The following PCARE variants were observed in gnomAD, a reference collection of about 807,000 sequenced individuals.
PCARE encodes uncharacterized protein C2orf71.
In PCARE, 72 loss-of-function variants were observed where a neutral mutation model predicts 82.2. The observed-to-expected ratio is 0.88, with a 90% CI of 0.72 to 1.07. The LOEUF is 1.07. PCARE is among the 50% of genes least tolerant of loss of function. The probability of loss-of-function intolerance (pLI) is 0.00; values close to 1 mark genes in which losing one functional copy is unlikely to be tolerated. For synonymous variants in PCARE, 705 were observed against 634.8 expected, an observed-to-expected ratio of 1.11 and a Z score of -1.66; for missense variants, 1,768 against 1,592.4, an observed-to-expected ratio of 1.11 and a Z score of -1.88.
At position 29,073,700 on chromosome 2, in the gene PCARE, A is replaced by T. The variant is rs746573235; in HGVS notation, c.562T>A (p.Tyr188Asn). The change falls in exon 1 of 2, where the codon TAC (tyrosine) becomes AAC (asparagine). Residue 188 changes from tyrosine to asparagine, a missense_variant. Physicochemically the swap from Tyr to Asn is moderately radical, Grantham distance 143. Coordinates refer to ENST00000331664, the MANE Select transcript of PCARE (RefSeq NM_001029883.3). ...GAGAGGCTGGAGTGTAGATAGGTGTAAGCCTGCTGGTGGGCCTTTACCAGA... is the reference window on the plus strand; with the variant it reads ...GAGAGGCTGGAGTGTAGATAGGTGTTAGCCTGCTGGTGGGCCTTTACCAGA... ...EPLVKAHQQA[Y>N]TYLHSSLSKY... 1.9e-6 allele frequency: 3 copies of T among 1,612,664 alleles called. No homozygotes were observed. The South Asian group carries it at 3.3e-5, about 18-fold the overall frequency.
chr2:29,064,880 C>T lies in PCARE; in HGVS notation c.3856G>A (p.Glu1286Lys). ...SQPEAQPQQE[E>K]VS ...CCCTCGTCAGCCTGTCAGGACACCT[C>T]CTCTTGCTGGGGCTGCGCCTCTGGC... is the stretch of plus-strand genomic sequence containing the variant. Residue 1286 changes from glutamate (E) to lysine (K), a missense_variant, in exon 2 of 2, where the codon GAG (glutamate) becomes AAG (lysine). Physicochemically the swap from Glu to Lys is moderately conservative, Grantham distance 56 (BLOSUM62 1). Coordinates refer to ENST00000331664, the MANE Select transcript of PCARE (RefSeq NM_001029883.3). 1.2e-6 allele frequency: 2 copies of T among 1,611,560 alleles called. No homozygotes were observed. The highest frequency in any genetic ancestry group is 2.2e-5 in the South Asian group (2 of 90,984).
At position 29,074,146 on chromosome 2, in the gene PCARE, C is replaced by T. The variant is rs778412851; in HGVS notation, c.116G>A (p.Gly39Asp). The T allele has an allele frequency of 6.2e-7, 1 of 1,612,704 alleles. No homozygotes were observed. Among genetic ancestry groups the T allele is most frequent in the East Asian group, 2.2e-5 (1 of 44,852 alleles). The stretch of plus-strand genomic sequence containing the variant: ...GTTTTTAACCAGCAAAGGGATGGAA[C>T]CTCTTTCACTTCCGCCCTGACATCC... Reference protein sequence around the residue: ...RPGCQGGSERGSIPLLVKNST... With the variant: ...RPGCQGGSERDSIPLLVKNST... The change falls in exon 1 of 2, where the codon GGT becomes GAT. Residue 39 changes from glycine to aspartate, a missense_variant. Gly to Asp is a moderately conservative substitution (Grantham distance 94, BLOSUM62 -1). Coordinates refer to ENST00000331664, the MANE Select transcript of PCARE (RefSeq NM_001029883.3).
chr2:29,072,554 C>T lies in PCARE; in HGVS notation c.1708G>A (p.Gly570Arg), dbSNP rs1238171256. The change falls in exon 1 of 2, where the codon GGG becomes AGG. Residue 570 changes from glycine (G) to arginine (R), a missense_variant. Physicochemically the swap from Gly to Arg is moderately radical, Grantham distance 125 (BLOSUM62 -2). Transcript: ENST00000331664. ...GHQDWSEEEE[G>R]RTVVPPRPST... ...GGTCTTGGGGGGACCACTGTCCTCC[C>T]CTCCTCCTCCTCAGACCAGTCCTGG... 9 of 1,603,200 alleles carry T rather than the reference C, an allele frequency of 5.6e-6. No homozygotes were observed. Among genetic ancestry groups the T allele is most frequent in the Non-Finnish European group, 7.7e-6 (9 of 1,175,906 alleles).
chr2:29,068,667 G>A (rs917026652), intron 1 of PCARE, among the ~76,000 whole-genome samples: 9 of 152,080 alleles, frequency 5.9e-5, no homozygotes, highest in African/African-American at 1.9e-4. Context: ...GCCCCATTGC[G>A]GCTGCATGCC....
In PCARE at chr2:29,071,323, G is replaced by C; in HGVS notation, c.2939C>G (p.Pro980Arg). ...GGGGCTTCTCTCTCGGCTCTGCCTT[G>C]GTCTGGCCAGGCTGGACTCTGAGGT... ...NRTSESSLAR[P>R]RQSRERSPPV... The change falls in exon 1 of 2, where the codon CCA becomes CGA. Residue 980 changes from proline to arginine, a missense_variant. Pro to Arg is a moderately radical substitution (Grantham distance 103). Coordinates refer to ENST00000331664, the MANE Select transcript of PCARE (RefSeq NM_001029883.3). The C allele has an allele frequency of 6.2e-7, 1 of 1,613,498 alleles. No homozygotes were observed. Among genetic ancestry groups the C allele is most frequent in the Non-Finnish European group, 8.5e-7 (1 of 1,179,908 alleles).
chr2:29,071,293 A>G lies in PCARE; in HGVS notation c.2969T>C (p.Val990Ala), dbSNP rs780187948. 2 of 1,613,426 alleles carry G rather than the reference A, an allele frequency of 1.2e-6. No individual in the cohort carries two copies. The highest frequency in any genetic ancestry group is 2.2e-5 in the South Asian group (2 of 91,076). Residue 990 changes from valine (V) to alanine (A), a missense_variant, in exon 1 of 2, where the codon GTG becomes GCG. Coordinates refer to ENST00000331664, the MANE Select transcript of PCARE (RefSeq NM_001029883.3). ...PRQSRERSPP[V>A]GRKASPTRTH... ...CCTCGTGGGAGAGGCCTTTCTGCCC[A>G]CAGGGGGGCTTCTCTCTCGGCTCTG...
In PCARE at chr2:29,072,944, G is replaced by T. The variant is rs1469162645; in HGVS notation, c.1318C>A (p.Pro440Thr). The change falls in exon 1 of 2, where the codon CCA (proline) becomes ACA (threonine). Residue 440 changes from proline to threonine, a missense_variant. Physicochemically the swap from Pro to Thr is conservative, Grantham distance 38. Coordinates refer to ENST00000331664, the MANE Select transcript of PCARE (RefSeq NM_001029883.3). ...ARSPCLSSTS[P>T]ENITSPPLKL... The stretch of plus-strand genomic sequence containing the variant: ...AAAGGTGGGGAGGTGATATTTTCTG[G>T]GCTTGTACTGGAGAGGCATGGGCTC... 6.2e-7 allele frequency: 1 copy of T among 1,614,130 alleles called. No homozygotes were observed. The highest frequency in any genetic ancestry group is 8.5e-7 in the Non-Finnish European group (1 of 1,180,028).
At position 29,064,806 on chromosome 2, in the gene PCARE, C is replaced by T; in HGVS notation, c.*63G>A. On this transcript the variant is annotated 3_prime_UTR_variant, in exon 2 of 2. Coordinates refer to ENST00000331664, the MANE Select transcript of PCARE (RefSeq NM_001029883.3). ...CCCATCATCTCTGGGTCAGGCTGGA[C>T]ACTTGGCTGTCACACTTGGCCTTCT... The T allele has an allele frequency of 6.3e-7, 1 of 1,597,978 alleles. No homozygotes were observed.
chr2:29,074,387 C>T lies in PCARE; in HGVS notation c.-126G>A, dbSNP rs1667551719. 9.9e-7 allele frequency: 1 copy of T among 1,007,332 alleles called. No homozygotes were observed. The highest frequency in any genetic ancestry group is 1.4e-6 in the Non-Finnish European group (1 of 703,070). The allele number at this position is 1,007,332 out of a possible 1,614,324, so 62.4% of individuals were successfully genotyped here. On this transcript the variant is annotated 5_prime_UTR_variant, in exon 1 of 2. The change abolishes an upstream ATG in the 5' untranslated region. Coordinates refer to ENST00000331664, the MANE Select transcript of PCARE (RefSeq NM_001029883.3). ...TTTCAGGCCAGAATTCTTTGAAGTC[C>T]ATGGTACAATATCCTAAACTTGGAA...
rs2148415202 is a variant in PCARE, at chr2:29,071,267, TC to T, written c.2994del (p.Thr999HisfsTer36). The T allele has an allele frequency of 6.2e-7, 1 of 1,613,526 alleles. No individual in the cohort carries two copies. The highest frequency in any genetic ancestry group is 8.5e-7 in the Non-Finnish European group (1 of 1,179,908). On this transcript the variant is annotated frameshift_variant, in exon 1 of 2. Transcript: ENST00000331664. LOFTEE classifies it high-confidence loss of function. ...PPVGRKASPT[R>X]THWVPQADKR... ...TTGTCTGCTTGAGGCACCCAGTGTGTCCTCGTGGGAGAGGCCTTTCTGCCCA... is the reference window on the plus strand; with the variant it reads ...TTGTCTGCTTGAGGCACCCAGTGTGTCTCGTGGGAGAGGCCTTTCTGCCCA...
chr2:29,070,719 C>G lies in PCARE; in HGVS notation c.3543G>C (p.Leu1181=). The G allele has an allele frequency of 1.2e-6, 2 of 1,614,150 alleles. No homozygotes were observed. Among genetic ancestry groups the G allele is most frequent in the Non-Finnish European group, 1.7e-6 (2 of 1,180,036 alleles). The part of the protein sequence containing the change: ...LRADSQRRAA[L]CALNPLPFLR... ...GGAAAGGCAGAGGGTTGAGGGCACACAGAGCTGCTCTCCGCTGCGAGTCTG... is the reference window on the plus strand; with the variant it reads ...GGAAAGGCAGAGGGTTGAGGGCACAGAGAGCTGCTCTCCGCTGCGAGTCTG... The change falls in exon 1 of 2, where the codon CTG becomes CTC. Residue 1181 remains leucine (L), a synonymous_variant. Transcript: ENST00000331664.
rs1301793493 is a variant in PCARE at position 29,071,784 on chromosome 2, G to T, written c.2478C>A (p.Asn826Lys). 2.5e-6 allele frequency: 4 copies of T among 1,613,554 alleles called. No individual in the cohort carries two copies. Among genetic ancestry groups the T allele is most frequent in the Non-Finnish European group, 3.4e-6 (4 of 1,179,628 alleles). The change falls in exon 1 of 2, where the codon AAC becomes AAA. Residue 826 changes from asparagine to lysine, a missense_variant. Transcript: ENST00000331664. ...TAGGCGGTGGAGGGAGGTGCTCGAG[G>T]TTCCCCTCCATTTCACAGCTGAGCT... is the stretch of plus-strand genomic sequence containing the variant. ...SEELSCEMEG[N>K]LEHLPPPPME... is the part of the protein sequence containing the mutation.
In PCARE at chr2:29,073,937, G is replaced by A. The variant is rs1459808844; in HGVS notation, c.325C>T (p.His109Tyr). The part of the protein sequence containing the change: ...SSSQLNKSQS[H>Y]MAKDIPFKTQ... ...TTGAACGGAATATCCTTAGCCATGT[G>A]GCTTTGTGATTTGTTCAGCTGGGAT... The change falls in exon 1 of 2, where the codon CAC becomes TAC. Residue 109 changes from histidine to tyrosine, a missense_variant. Physicochemically the swap from His to Tyr is moderately conservative, Grantham distance 83 (BLOSUM62 2). Transcript: ENST00000331664. The A allele has an allele frequency of 6.2e-7, 1 of 1,614,230 alleles. No homozygotes were observed. Among genetic ancestry groups the A allele is most frequent in the Admixed American group, 1.7e-5 (1 of 60,030 alleles).
intron 1 of PCARE, among the ~76,000 whole-genome samples, chr2:29,065,563 T>C (rs13012353): frequency 0.29 from 44,746 of 152,070 alleles, 6,997 homozygotes; most frequent in East Asian, 0.48. Context: ...ACAGAGATTC[T>C]CAGCTGCCAA....
At position 29,062,269 on chromosome 2, in the gene PCARE, GC is replaced by G. The variant is rs1667321228; in HGVS notation, c.*2599del. On this transcript the variant is annotated 3_prime_UTR_variant, in exon 2 of 2. Transcript: ENST00000331664. ...TGCCTGGGTCTGGTGGCAGCTGGGG[GC>G]TTTTATGACATCGTGTGTGGGGACC... The G allele has an allele frequency of 6.6e-6, 1 of 152,282 alleles. No individual in the cohort carries two copies. The highest frequency in any genetic ancestry group is 2.4e-5 in the African/African-American group (1 of 41,436). 9.4% of individuals were successfully genotyped at this position (152,282 alleles called of 1,614,324 possible).
chr2:29,072,150 A>G lies in PCARE; in HGVS notation c.2112T>C (p.Asn704=), dbSNP rs10200693. The G allele has an allele frequency of 0.28, 446,414 of 1,614,008 alleles. 64,344 individuals carry two copies. Among genetic ancestry groups the G allele is most frequent in the East Asian group, 0.44 (19,604 of 44,854 alleles). Residue 704 remains asparagine, a synonymous_variant, in exon 1 of 2, where the codon AAT becomes AAC. Transcript: ENST00000331664. ...CACTGACCTCTCCTGATGGGATGGC[A>G]TTTGGAAGCTTCCCAGCTTTGCCTT... ...DEQGKAGKLP[N]AIPSGEVSEA...
chr2:29,066,769 T>G (rs1198366842), intron 1 of PCARE, among the ~76,000 whole-genome samples: 1 of 152,178 alleles, frequency 6.6e-6, no homozygotes, highest in Non-Finnish European at 1.5e-5. Flanking sequence ...CAGGGCCCAC[T>G]GGGTATCTGA....
At chr2:29,065,088 TG>T in intron 1 of PCARE, 21 bp from the exon 2 acceptor site, 1 of 1,548,056 alleles carries the variant, frequency 6.5e-7, no homozygotes, top group South Asian at 1.2e-5. Context: ...AAAGGACAAG[TG>T]CAGGTCAGAC....
Position 29,071,125 on chromosome 2 carries a change from C to G in PCARE, c.3137G>C (p.Arg1046Pro). The G allele has an allele frequency of 6.3e-7, 1 of 1,579,838 alleles. No individual in the cohort carries two copies. The highest frequency in any genetic ancestry group is 8.6e-7 in the Non-Finnish European group (1 of 1,163,380). Reference sequence around the variant, plus strand: ...GGGCTGGTGCGGTGGGGAAGTTCGCCGCTTTGTGGTGGGTGGGCTTAGCAC... The same window carrying G: ...GGGCTGGTGCGGTGGGGAAGTTCGCGGCTTTGTGGTGGGTGGGCTTAGCAC... ...PRVLSPPTTK[R>P]RTSPPHQPKL... is the part of the protein sequence containing the mutation. The change falls in exon 1 of 2, where the codon CGG becomes CCG. Residue 1046 changes from arginine to proline, a missense_variant. Coordinates refer to ENST00000331664, the MANE Select transcript of PCARE (RefSeq NM_001029883.3).
Sources: gnomAD v4.1 joint callset for allele counts (sites outside exome capture counted in the v4.1 genomes callset) on GRCh38, gnomAD v4.1.1 for gene constraint, MANE v1.5 for transcripts, NCBI Gene and HGNC (gene_info 2026-07-23, HGNC 2026-07-21) for gene names.